Variants in PKHD1L1 observed in about 807,000 individuals in gnomAD.
PKHD1L1 encodes the protein fibrocystin-L.
Under a neutral mutation model 462.9 loss-of-function variants are expected in PKHD1L1, and 434 were observed. The observed-to-expected ratio is 0.94, with a 90% CI of 0.87 to 1.02. PKHD1L1 has a LOEUF of 1.02. PKHD1L1 is among the 50% of genes least tolerant of loss of function. The pLI, the probability that PKHD1L1 is intolerant of heterozygous loss-of-function variation, is 0.00. For synonymous variants in PKHD1L1, 1,781 were observed against 1,750.0 expected, an observed-to-expected ratio of 1.02 and a Z score of -0.44; for missense variants, 5,202 against 5,096.1, an observed-to-expected ratio of 1.02 and a Z score of -0.63.
At position 109,475,648 on chromosome 8, in the gene PKHD1L1, C is replaced by T. The variant is rs186991245; in HGVS notation, c.8757+379C>T. On this transcript the variant is annotated intron_variant, in intron 51 of 77. Transcript: ENST00000378402. ...GGTCAAGAGTTTGAGACCAGTCTGGCCAACATGGAGAAACCTCGTCTCTAT... is the reference window on the plus strand; with the variant it reads ...GGTCAAGAGTTTGAGACCAGTCTGGTCAACATGGAGAAACCTCGTCTCTAT... 1.9e-3 allele frequency among the ~76,000 whole-genome samples: 291 copies of T among 151,418 alleles called. 1 individual carries two copies. Among genetic ancestry groups the T allele is most frequent in the Middle Eastern group, 6.8e-3 (2 of 294 alleles).
At chr8:109,496,260 A>G (rs1238062892) in intron 63 of PKHD1L1, among the ~76,000 whole-genome samples, 1 of 152,200 alleles carries the variant, frequency 6.6e-6, no homozygotes, top group Non-Finnish European at 1.5e-5. Context: ...AATTAATAAT[A>G]AAAATATCAA....
At chr8:109,475,045 A>C in intron 50 of PKHD1L1, 73 bp from the exon 51 acceptor site, 1 of 1,389,584 alleles carries the variant, frequency 7.2e-7, no homozygotes. Context: ...TAACTTTTGC[A>C]CTTGTTTACA....
intron 17 of PKHD1L1, among the ~76,000 whole-genome samples, chr8:109,407,269 T>G (rs1251745635): frequency 6.6e-6 from 1 of 152,210 alleles, no homozygotes; most frequent in African/African-American, 2.4e-5. Context: ...GGATAAAGAA[T>G]TTGATTTTAC....
chr8:109,499,800 G>C (rs1035202677), intron 67 of PKHD1L1, among the ~76,000 whole-genome samples: 3 of 152,182 alleles, frequency 2.0e-5, no homozygotes, highest in African/African-American at 7.2e-5. Flanking sequence ...CAGGGCAAGG[G>C]AAGTTGCTAA....
chr8:109,405,801 G>A (rs1225564223), intron 16 of PKHD1L1, among the ~76,000 whole-genome samples: 1 of 151,968 alleles, frequency 6.6e-6, no homozygotes, highest in Non-Finnish European at 1.5e-5. Context: ...CATGACATAC[G>A]TTTACCTATG....
In PKHD1L1 at chr8:109,445,377, A is replaced by G. The variant is rs1312949689; in HGVS notation, c.5508A>G (p.Leu1836=). 10 of 1,613,838 alleles carry G rather than the reference A, an allele frequency of 6.2e-6. No homozygotes were observed. In the East Asian group the frequency reaches 8.9e-5, roughly 14 times the overall value. Residue 1836 remains leucine (L), a synonymous_variant, in exon 38 of 78, where the codon CTA becomes CTG. Transcript: ENST00000378402. ...LTVSSPPVAS[L]SPTSGSIGGG... The stretch of plus-strand genomic sequence containing the variant: ...TCAGCAGCCCCCCAGTAGCATCTCT[A>G]TCACCAACTTCTGGAAGCATTGGTG...
In PKHD1L1 at chr8:109,417,875, T is replaced by C. The variant is rs1333412351; in HGVS notation, c.2361-1222T>C. ...TCTAACAAATATTTCTAGATCTGCT[T>C]TAATATAGGTCAGACAGTCCACCTG... On this transcript the variant is annotated intron_variant, in intron 21 of 77. Transcript: ENST00000378402. 5.3e-5 allele frequency among the ~76,000 whole-genome samples: 8 copies of C among 152,290 alleles called. No individual in the cohort carries two copies. The East Asian group carries it at 1.4e-3, about 26-fold the overall frequency.
chr8:109,364,869 G>A (rs1811154526), intron 2 of PKHD1L1, among the ~76,000 whole-genome samples: 2 of 152,014 alleles, frequency 1.3e-5, no homozygotes, highest in South Asian at 2.1e-4. Flanking sequence ...TCAAGATCTG[G>A]ATTAATGACT....
chr8:109,375,711 C>T (rs1811783565), intron 2 of PKHD1L1, among the ~76,000 whole-genome samples: 1 of 152,078 alleles, frequency 6.6e-6, no homozygotes, highest in Non-Finnish European at 1.5e-5. Flanking sequence ...GTTAGTTTTC[C>T]TTCTAACAGT....
At chr8:109,431,986 T>C (rs1815129207) in intron 27 of PKHD1L1, among the ~76,000 whole-genome samples, 1 of 152,208 alleles carries the variant, frequency 6.6e-6, no homozygotes, top group African/African-American at 2.4e-5. Context: ...ATCGGCTTCC[T>C]AATTTTAACT....
At chr8:109,369,732 T>C (rs1014803420) in intron 2 of PKHD1L1, among the ~76,000 whole-genome samples, 2 of 152,168 alleles carry the variant, frequency 1.3e-5, no homozygotes, top group East Asian at 1.9e-4. Flanking sequence ...CCAAACTCAA[T>C]GTGAACACCA....
Position 109,491,938 on chromosome 8 carries a change from G to C in PKHD1L1, c.10180G>C (p.Gly3394Arg), listed in dbSNP as rs1818850284. The C allele has an allele frequency of 6.2e-7, 1 of 1,603,150 alleles. No homozygotes were observed. Among genetic ancestry groups the C allele is most frequent in the East Asian group, 2.2e-5 (1 of 44,680 alleles). ...TTTGATTGCACTTTCGGTTTGGCCAGGAACCTATCAGAACAGAAAAGATTT... is the reference window on the plus strand; with the variant it reads ...TTTGATTGCACTTTCGGTTTGGCCACGAACCTATCAGAACAGAAAAGATTT... Reference protein sequence around the residue: ...GNLIALSVWPGTYQNRKDLSS... With the variant: ...GNLIALSVWPRTYQNRKDLSS... Residue 3394 changes from glycine (G) to arginine (R), a missense_variant, in exon 62 of 78, where the codon GGA becomes CGA. Gly to Arg is a moderately radical substitution (Grantham distance 125, BLOSUM62 -2). This residue lies in a region of PKHD1L1 where 4,497 missense variants were observed against 4,336.8 expected (regional missense o/e 1.04). Coordinates refer to ENST00000378402, the MANE Select transcript of PKHD1L1 (RefSeq NM_177531.6).
rs778236085 is a variant in PKHD1L1 at position 109,475,099 on chromosome 8, G to T, written c.8606-19G>T. On this transcript the variant is annotated intron_variant, in intron 50 of 77. Coordinates refer to ENST00000378402, the MANE Select transcript of PKHD1L1 (RefSeq NM_177531.6). ...AGGTAGAGATTACTATTATTTTCTT[G>T]TTCTATGTTCTCCTATAGGCACAAG... is the stretch of plus-strand genomic sequence containing the variant. 6.3e-7 allele frequency: 1 copy of T among 1,576,870 alleles called. No homozygotes were observed. Among genetic ancestry groups the T allele is most frequent in the Admixed American group, 1.9e-5 (1 of 53,196 alleles).
chr8:109,400,184 T>A lies in PKHD1L1; in HGVS notation c.1121T>A (p.Val374Glu). Residue 374 changes from valine (V) to glutamate (E), a missense_variant, in exon 13 of 78, where the codon GTA (valine) becomes GAA (glutamate). Coordinates refer to ENST00000378402, the MANE Select transcript of PKHD1L1 (RefSeq NM_177531.6). ...CCTGGGTACATGGGTGCCAGTTGGG[T>A]AGATTCAGCTTCCTATATTTGGCTC... ...KTPGYMGASW[V>E]DSASYIWLME... 1.2e-6 allele frequency: 2 copies of A among 1,613,740 alleles called. No individual in the cohort carries two copies. Among genetic ancestry groups the A allele is most frequent in the Non-Finnish European group, 1.7e-6 (2 of 1,179,720 alleles).
intron 12 of PKHD1L1, 59 bp from the exon 13 acceptor site, chr8:109,400,017 C>T: frequency 6.7e-7 from 1 of 1,493,254 alleles, no homozygotes; most frequent in Non-Finnish European, 9.1e-7. Context: ...AAATAGAAAG[C>T]CATTGAGGCA....
intron 4 of PKHD1L1, 31 bp from the exon 5 acceptor site, chr8:109,384,039 A>C (rs1468803198): frequency 7.0e-7 from 1 of 1,438,452 alleles, no homozygotes; most frequent in Non-Finnish European, 9.8e-7. Context: ...AACAGAGATA[A>C]GTTTTCATAT....
chr8:109,442,640 GA>G lies in PKHD1L1; in HGVS notation c.4394-297del, dbSNP rs1173100930. 9.9e-5 allele frequency among the ~76,000 whole-genome samples: 15 copies of G among 151,120 alleles called. No homozygotes were observed. The East Asian group carries it at 1.2e-3, about 12-fold the overall frequency. ...GTAAGATTTTGAACCTTTCACTCAC[GA>G]AAAAAAAATTTTCTTTCATTTCATG... is the stretch of plus-strand genomic sequence containing the variant. On this transcript the variant is annotated intron_variant, in intron 35 of 77. Transcript: ENST00000378402.
At chr8:109,502,245 G>C (rs1819458459) in intron 67 of PKHD1L1, among the ~76,000 whole-genome samples, 1 of 151,922 alleles carries the variant, frequency 6.6e-6, no homozygotes. Flanking sequence ...ACTTAATGTG[G>C]GCCATCACTA....
At chr8:109,458,711 G>T (rs1443234964) in intron 46 of PKHD1L1, among the ~76,000 whole-genome samples, 1 of 151,968 alleles carries the variant, frequency 6.6e-6, no homozygotes, top group African/African-American at 2.4e-5. Context: ...GGGAGGGAAG[G>T]GTAAAAAGAA....
Sources: allele counts gnomAD v4.1 joint callset (sites outside exome capture counted in the v4.1 genomes callset), GRCh38; gene constraint gnomAD v4.1.1; regional missense constraint gnomAD v4.1.1; transcripts MANE v1.5; gene names NCBI Gene and HGNC (gene_info 2026-07-23, HGNC 2026-07-21).